Variants in NRXN3 observed in about 807,000 individuals in gnomAD.
NRXN3 encodes neurexin III.
In NRXN3, 32 loss-of-function variants were observed where a neutral mutation model predicts 137.6. The ratio of observed to expected loss-of-function variants is 0.23; its 90% CI spans 0.18 to 0.31. The LOEUF is 0.31. NRXN3 is among the 10% of genes least tolerant of loss of function. The pLI is 1.00. For missense variants in NRXN3, 1,574 were observed against 2,062.5 expected, an observed-to-expected ratio of 0.76 and a Z score of 4.59; for synonymous variants, 798 against 784.5, an observed-to-expected ratio of 1.02 and a Z score of -0.29.
intron 4 of NRXN3, among the ~76,000 whole-genome samples, chr14:78,557,329 C>T (rs2096748469): frequency 1.3e-5 from 2 of 151,430 alleles, no homozygotes; most frequent in Admixed American, 6.6e-5. Flanking sequence ...ACTGGGATCA[C>T]AGGTTCAAGC....
intron 10 of NRXN3, among the ~76,000 whole-genome samples, chr14:78,813,275 C>T (rs1235977592): frequency 6.6e-6 from 1 of 152,150 alleles, no homozygotes; most frequent in Non-Finnish European, 1.5e-5. Flanking sequence ...CCTACATGAT[C>T]CGAACTTCTA....
At chr14:78,496,482 T>G (rs754815635) in intron 4 of NRXN3, among the ~76,000 whole-genome samples, 3 of 152,156 alleles carry the variant, frequency 2.0e-5, no homozygotes, top group Non-Finnish European at 4.4e-5. Flanking sequence ...ACCGTGTTCA[T>G]TTATTCAACA....
rs369766653 is a variant in NRXN3, at chr14:79,705,547, GTTTTAGCAAACCCCCGT to G, written c.4014+7612_4014+7628del. ...AAATATTTCAGCAAATGAAAACAAA[GTTTTAGCAAACCCCCGT>G]TAAATCTTACACCTTAAGCGAGTGT... On this transcript the variant is annotated intron_variant, in intron 19 of 20. Transcript: ENST00000335750. Among the ~76,000 whole-genome samples the G allele has an allele frequency of 2.7e-3, 413 of 152,222 alleles. 1 individual carries two copies. The highest frequency in any genetic ancestry group is 8.7e-3 in the African/African-American group (362 of 41,550).
At chr14:79,231,610 T>A (rs1207001173) in intron 15 of NRXN3, among the ~76,000 whole-genome samples, 3 of 152,162 alleles carry the variant, frequency 2.0e-5, no homozygotes, top group East Asian at 1.9e-4. Context: ...AAGGTTACCA[T>A]GTAGCTCAGA....
chr14:78,850,489 T>C (rs941130766), intron 10 of NRXN3, among the ~76,000 whole-genome samples: 3 of 152,106 alleles, frequency 2.0e-5, no homozygotes, highest in Non-Finnish European at 4.4e-5. Flanking sequence ...AAAGGTAAAA[T>C]GTAGAAAGGT....
intron 4 of NRXN3, among the ~76,000 whole-genome samples, chr14:78,486,552 C>T (rs1346698271): frequency 2.6e-5 from 4 of 152,102 alleles, no homozygotes; most frequent in Admixed American, 6.6e-5. Context: ...TTAACCCTTG[C>T]GATGGCCTCC....
At chr14:79,830,439 G>A (rs903359660) in intron 20 of NRXN3, among the ~76,000 whole-genome samples, 1 of 152,140 alleles carries the variant, frequency 6.6e-6, no homozygotes, top group African/African-American at 2.4e-5. Context: ...CTCCCCAAAT[G>A]TGTGTCTCTT....
intron 17 of NRXN3, among the ~76,000 whole-genome samples, chr14:79,675,790 A>G (rs2098637636): frequency 6.6e-6 from 1 of 152,152 alleles, no homozygotes; most frequent in African/African-American, 2.4e-5. Flanking sequence ...AGACAGACAC[A>G]GATTCCATTC....
At chr14:78,308,801 A>G (rs2077634038) in intron 4 of NRXN3, among the ~76,000 whole-genome samples, 1 of 152,126 alleles carries the variant, frequency 6.6e-6, no homozygotes, top group African/African-American at 2.4e-5. Flanking sequence ...GCAATAAAGA[A>G]ATATAGAAAA....
rs1162153685 is a variant in NRXN3, at chr14:79,617,917, C to CAAAAAAAAAAAAAAAA, written c.3445-45846_3445-45845insAAAAAAAAAAAAAAAA. Among the ~76,000 whole-genome samples, 309 of 91,192 alleles carry CAAAAAAAAAAAAAAAA rather than the reference C, an allele frequency of 3.4e-3. 6 individuals are homozygous for CAAAAAAAAAAAAAAAA. Among genetic ancestry groups the CAAAAAAAAAAAAAAAA allele is most frequent in the South Asian group, 5.6e-3 (16 of 2,862 alleles). The allele number at this position is 91,192 out of a possible 152,430, so 59.8% of individuals were successfully genotyped here. On this transcript the variant is annotated intron_variant, in intron 16 of 20. Transcript: ENST00000335750. ...TTCAGAGATAGGAGCTGAATAGCAG[C>CAAAAAAAAAAAAAAAA]AAAAAAAAAAAAAAACATGCTTATG...
At chr14:78,255,751 T>A (rs1032596293) in intron 2 of NRXN3, among the ~76,000 whole-genome samples, 4 of 152,226 alleles carry the variant, frequency 2.6e-5, no homozygotes, top group Admixed American at 1.3e-4. Flanking sequence ...AGGTACTCAA[T>A]AAATGTTTGT....
In NRXN3 at chr14:79,174,149, T is replaced by C. The variant is rs555887502; in HGVS notation, c.3262+186008T>C. ...TTAATTCCAGAAAGGTGGCTAGCAG[T>C]GCCTGCCACACAAATGAAGGTAGCG... On this transcript the variant is annotated intron_variant, in intron 15 of 20. Coordinates refer to ENST00000335750, the MANE Select transcript of NRXN3 (RefSeq NM_001330195.2). Among the ~76,000 whole-genome samples, 86 of 152,296 alleles carry C rather than the reference T, an allele frequency of 5.6e-4. No individual in the cohort carries two copies. The South Asian group carries it at 0.018, about 31-fold the overall frequency.
At chr14:79,775,212 T>C (rs1381026433) in intron 19 of NRXN3, among the ~76,000 whole-genome samples, 2 of 152,090 alleles carry the variant, frequency 1.3e-5, no homozygotes, top group East Asian at 1.9e-4. Flanking sequence ...CATAGTACTG[T>C]TTTGTATTAA....
chr14:79,352,595 A>G (rs759677389), intron 15 of NRXN3, among the ~76,000 whole-genome samples: 6 of 152,166 alleles, frequency 3.9e-5, no homozygotes, highest in Non-Finnish European at 8.8e-5. Context: ...ATGGCCAAAG[A>G]ATGTTTGTCT....
At chr14:78,929,082 C>T (rs1037528655) in intron 10 of NRXN3, among the ~76,000 whole-genome samples, 5 of 152,100 alleles carry the variant, frequency 3.3e-5, no homozygotes, top group African/African-American at 1.2e-4. Context: ...TGTTTTTTGG[C>T]TGCATAAATG....
chr14:78,568,534 A>G (rs1349938508), intron 4 of NRXN3, among the ~76,000 whole-genome samples: 1 of 152,248 alleles, frequency 6.6e-6, no homozygotes, highest in Non-Finnish European at 1.5e-5. Flanking sequence ...TATACCAGGT[A>G]TCCCAGACTT....
intron 19 of NRXN3, among the ~76,000 whole-genome samples, chr14:79,762,939 T>C (rs918534237): frequency 1.3e-5 from 2 of 151,628 alleles, no homozygotes; most frequent in African/African-American, 4.9e-5. Context: ...TACATAGGTA[T>C]ACACGTGCCA....
chr14:78,439,760 G>T (rs2094184913), intron 4 of NRXN3, among the ~76,000 whole-genome samples: 1 of 152,216 alleles, frequency 6.6e-6, no homozygotes, highest in South Asian at 2.1e-4. Flanking sequence ...CATCTTGGTA[G>T]GGTCAGAGCT....
At chr14:79,642,582 A>C (rs1357978565) in intron 16 of NRXN3, among the ~76,000 whole-genome samples, 1 of 134,020 alleles carries the variant, frequency 7.5e-6, no homozygotes, top group African/African-American at 2.5e-5. Flanking sequence ...TTGACCAGGT[A>C]GGTTGTAAAG....
Sources: gnomAD v4.1 joint callset for allele counts (sites outside exome capture counted in the v4.1 genomes callset) on GRCh38, gnomAD v4.1.1 for gene constraint, MANE v1.5 for transcripts, NCBI Gene and HGNC (gene_info 2026-07-23, HGNC 2026-07-21) for gene names.